Variants in HLA-DRB5 observed in about 807,000 individuals in gnomAD.
HLA-DRB5 encodes the protein DR beta-5.
HLA-DRB5 carries 11 observed loss-of-function variants against 22.4 expected under a neutral mutation model. The observed-to-expected ratio is 0.49, with a 90% CI of 0.31 to 0.81. The LOEUF (loss-of-function observed/expected upper bound fraction) is 0.81. Ranked by LOEUF, HLA-DRB5 falls within the 40% of genes least tolerant of loss-of-function variation. HLA-DRB5 has a pLI of 0.05. For synonymous variants in HLA-DRB5, 57 were observed against 106.0 expected, an observed-to-expected ratio of 0.54 and a Z score of 2.84; for missense variants, 106 against 274.4, an observed-to-expected ratio of 0.39 and a Z score of 4.34.
intron 1 of HLA-DRB5, among the ~76,000 whole-genome samples, chr6:32,523,904 A>T (rs796136960): frequency 3.5e-5 from 1 of 28,292 alleles, no homozygotes; most frequent in Non-Finnish European, 6.7e-5. Flanking sequence ...TTTGTTGGTA[A>T]AGGAGGCTGT....
At chr6:32,525,913 C>T (rs60378094) in intron 1 of HLA-DRB5, among the ~76,000 whole-genome samples, 19,517 of 42,148 alleles carry the variant, frequency 0.46, 7,505 homozygotes, top group Middle Eastern at 0.74. Context: ...GTGTGAAATA[C>T]TGGCTGTGTG....
At chr6:32,521,809 TCTCACACACACA>T in intron 2 of HLA-DRB5, 84 bp downstream of exon 2, 1 of 330,124 alleles carries the variant, frequency 3.0e-6, no homozygotes. Context: ...TTCCTCTCTC[TCTCACACACACA>T]CACACACACA....
intron 1 of HLA-DRB5, 129 bp downstream of exon 1, chr6:32,529,996 A>ATG (rs1554270309): frequency 0.19 from 82,833 of 441,982 alleles, 197 homozygotes; most frequent in East Asian, 0.22. Flanking sequence ...TTGGGATCCC[A>ATG]TGATAAAGAT....
At chr6:32,528,453 C>A (rs1220493378) in intron 1 of HLA-DRB5, among the ~76,000 whole-genome samples, 369 of 53,054 alleles carry the variant, frequency 7.0e-3, no homozygotes, top group Middle Eastern at 0.015. Context: ...AACCATGGTT[C>A]TGGGAACTGA....
intron 3 of HLA-DRB5, among the ~76,000 whole-genome samples, 174 bp downstream of exon 3, chr6:32,519,196 A>AG (rs1174894858): frequency 0.013 from 873 of 66,216 alleles, 2 homozygotes; most frequent in African/African-American, 0.015. Flanking sequence ...TCCCCAGAGG[A>AG]TACAGGTGTT....
In HLA-DRB5 at chr6:32,529,156, C is replaced by T. The variant is rs561193510; in HGVS notation, c.100+969G>A. On this transcript the variant is annotated intron_variant, in intron 1 of 5. Coordinates refer to ENST00000374975, the MANE Select transcript of HLA-DRB5 (RefSeq NM_002125.4). ...AAGACCCCAGTAAGACAATGAGTTC[C>T]CAGGACTTGATCATTAACTTTCAGC... Among the ~76,000 whole-genome samples the T allele has an allele frequency of 2.1e-5, 3 of 139,886 alleles. No homozygotes were observed. In the East Asian group the frequency reaches 6.4e-4, roughly 30 times the overall value. The allele number at this position is 139,886 out of a possible 152,430, so 91.8% of individuals were successfully genotyped here. A position where few individuals can be genotyped will look rare whatever the true frequency, so the allele number is the denominator to read the frequency against.
intron 1 of HLA-DRB5, among the ~76,000 whole-genome samples, chr6:32,526,428 T>C (rs1769648040): frequency 1.8e-5 from 1 of 54,932 alleles, no homozygotes; most frequent in Non-Finnish European, 3.5e-5. Flanking sequence ...TCTCCCTATG[T>C]AACCTCTTCC....
chr6:32,529,938 T>TAAC (rs1770149201), intron 1 of HLA-DRB5, among the ~76,000 whole-genome samples, 187 bp downstream of exon 1: 204 of 126,312 alleles, frequency 1.6e-3, no homozygotes, highest in Middle Eastern at 7.9e-3. Context: ...CCTTACACAG[T>TAAC]CTCATGGAGA....
At chr6:32,528,829 G>A (rs1464383120) in intron 1 of HLA-DRB5, among the ~76,000 whole-genome samples, 1 of 41,092 alleles carries the variant, frequency 2.4e-5, no homozygotes, top group Non-Finnish European at 5.1e-5. Flanking sequence ...TGTAGTCTCC[G>A]CTGCTCTGGA....
At chr6:32,524,756 C>T (rs956991520) in intron 1 of HLA-DRB5, among the ~76,000 whole-genome samples, 7,908 of 75,206 alleles carry the variant, frequency 0.11, 6 homozygotes, top group Non-Finnish European at 0.13. Flanking sequence ...GTCACTGTGG[C>T]TTGCATGGCT....
At chr6:32,524,828 G>A (rs1562443887) in intron 1 of HLA-DRB5, among the ~76,000 whole-genome samples, 1 of 86,116 alleles carries the variant, frequency 1.2e-5, no homozygotes, top group Non-Finnish European at 2.3e-5. Flanking sequence ...AATAAAACCA[G>A]AGGATGCCCA....
intron 1 of HLA-DRB5, among the ~76,000 whole-genome samples, chr6:32,526,124 T>C (rs115278535): frequency 0.52 from 26,620 of 50,728 alleles, 8,133 homozygotes; most frequent in Middle Eastern, 0.66. Context: ...ACCTTAACCT[T>C]GTCCTCTCTT....
rs771632640 is a variant in HLA-DRB5, at chr6:32,521,811, TCACACACACA to T, written c.370+84_370+93del. 67 of 249,368 alleles carry T rather than the reference TCACACACACA, an allele frequency of 2.7e-4. 2 individuals are homozygous for T. The highest frequency in any genetic ancestry group is 2.2e-3 in the African/African-American group (34 of 15,380). 15.4% of individuals were successfully genotyped at this position (249,368 alleles called of 1,614,324 possible). ...CTCTGTCTCTCTCTTCCTCTCTCTC[TCACACACACA>T]CACACACACACACACACACACACAC... On this transcript the variant is annotated intron_variant, in intron 2 of 5. Transcript: ENST00000374975.
chr6:32,524,810 A>G (rs115679445), intron 1 of HLA-DRB5, among the ~76,000 whole-genome samples: 2 of 91,566 alleles, frequency 2.2e-5, no homozygotes, highest in Non-Finnish European at 2.2e-5. Context: ...GGGTTGACAG[A>G]TTTGACAAAT....
intron 1 of HLA-DRB5, among the ~76,000 whole-genome samples, chr6:32,524,534 G>C (rs1356455534): frequency 1.2e-5 from 1 of 81,456 alleles, no homozygotes; most frequent in Non-Finnish European, 2.5e-5. Context: ...CAGAAACCAA[G>C]AAAATGACGT....
At chr6:32,524,593 T>TTGGC (rs1769365953) in intron 1 of HLA-DRB5, among the ~76,000 whole-genome samples, 14 of 22,374 alleles carry the variant, frequency 6.3e-4, no homozygotes, top group South Asian at 1.1e-3. Flanking sequence ...AGACTTTGTG[T>TTGGC]AGAGACCTTC....
rs1226520094 is a variant in HLA-DRB5 at position 32,519,800 on chromosome 6, C to A, written c.371-149G>T. 6.8e-5 allele frequency: 28 copies of A among 413,060 alleles called. 1 individual carries two copies. The highest frequency in any genetic ancestry group is 4.0e-4 in the Admixed American group (9 of 22,434). 25.6% of individuals were successfully genotyped at this position (413,060 alleles called of 1,614,324 possible). A position where few individuals can be genotyped will look rare whatever the true frequency, so the allele number is the denominator to read the frequency against. On this transcript the variant is annotated intron_variant, in intron 2 of 5. Transcript: ENST00000374975. The stretch of plus-strand genomic sequence containing the variant: ...CCATGAGGCCTCACAGTGTCATCAG[C>A]CTGGAATTTAGTCTTTATAGTGGGG...
intron 1 of HLA-DRB5, among the ~76,000 whole-genome samples, chr6:32,526,375 T>C (rs200884300): frequency 1.6e-3 from 38 of 24,236 alleles, no homozygotes; most frequent in Admixed American, 4.3e-3. Flanking sequence ...TCTTTCTTAG[T>C]CCCCTTTGCT....
chr6:32,529,353 G>T (rs112618773), intron 1 of HLA-DRB5, among the ~76,000 whole-genome samples: 5 of 37,764 alleles, frequency 1.3e-4, no homozygotes, highest in Admixed American at 3.4e-4. Flanking sequence ...GTTAGAGCAT[G>T]TAGGAGATAT....
Sources: gnomAD v4.1 joint callset for allele counts (sites outside exome capture counted in the v4.1 genomes callset) on GRCh38, gnomAD v4.1.1 for gene constraint, MANE v1.5 for transcripts, NCBI Gene and HGNC (gene_info 2026-07-23, HGNC 2026-07-21) for gene names.